NFYC: variants seen among roughly 807,000 people sequenced by gnomAD.
NFYC encodes the protein CAAT box DNA-binding protein subunit C.
NFYC carries 25 observed loss-of-function variants against 53.1 expected under a neutral mutation model. The ratio of observed to expected loss-of-function variants is 0.47; its 90% CI spans 0.34 to 0.66. The LOEUF (loss-of-function observed/expected upper bound fraction) is 0.66, where lower values mean the gene tolerates loss of function less well. Ranked by LOEUF, NFYC falls within the 30% of genes least tolerant of loss-of-function variation. The probability of loss-of-function intolerance (pLI) is 0.01; values close to 1 mark genes in which losing one functional copy is unlikely to be tolerated. For missense variants in NFYC, 260 were observed against 422.7 expected (o/e 0.62, Z 3.38); for synonymous variants, 145 against 152.6 (o/e 0.95, Z 0.37).
Position 40,770,130 on chromosome 1 carries a change from C to T in NFYC, c.889-579C>T, listed in dbSNP as rs1204186429. Reference sequence around the variant, plus strand: ...AAACCAAGTAGTCAATTAGCCCTGACCTTCCTAAGTGGCTGTGTGAGTATC... The same window carrying T: ...AAACCAAGTAGTCAATTAGCCCTGATCTTCCTAAGTGGCTGTGTGAGTATC... On this transcript the variant is annotated intron_variant, in intron 9 of 9. Transcript: ENST00000447388. This position sits in a 1 kb window ranked among gnomAD's most constrained non-coding sequence, Gnocchi z 5.3. Among the ~76,000 whole-genome samples, 1 of 152,210 alleles carries T rather than the reference C, an allele frequency of 6.6e-6. No individual in the cohort carries two copies. Among genetic ancestry groups the T allele is most frequent in the East Asian group, 1.9e-4 (1 of 5,200 alleles).
intron 1 of NFYC, among the ~76,000 whole-genome samples, chr1:40,704,307 G>A (rs1000473025): frequency 1.3e-5 from 2 of 152,116 alleles, no homozygotes; most frequent in Non-Finnish European, 2.9e-5. Flanking sequence ...TCCTGAATTC[G>A]TGATCTGCCC....
At chr1:40,754,503 T>C (rs541073679) in intron 5 of NFYC, 69 of 503,738 alleles carry the variant, frequency 1.4e-4, no homozygotes, top group African/African-American at 1.2e-3. Context: ...GCCCACAGGC[T>C]CAATTCCTCC....
chr1:40,770,588 T>C lies in NFYC; in HGVS notation c.889-121T>C. 6.2e-7 allele frequency: 1 copy of C among 1,612,296 alleles called. No homozygotes were observed. Among genetic ancestry groups the C allele is most frequent in the African/African-American group, 1.3e-5 (1 of 74,984 alleles). ...AGAGCTCCACTTCCCCTCCTCCTTC[T>C]GACGCCTTGCAGTGGGTGGTGGTTG... On this transcript the variant is annotated intron_variant, in intron 9 of 9. Transcript: ENST00000447388. This position sits in a 1 kb window ranked among gnomAD's most constrained non-coding sequence, Gnocchi z 5.3.
intron 5 of NFYC, among the ~76,000 whole-genome samples, chr1:40,753,873 A>G (rs932356119): frequency 2.0e-5 from 3 of 152,190 alleles, no homozygotes; most frequent in Non-Finnish European, 4.4e-5. Flanking sequence ...AAGCAATCAC[A>G]AGAAAGAATA....
rs548765555 is a variant in NFYC at position 40,748,359 on chromosome 1, G to A, written c.177+754G>A. On this transcript the variant is annotated intron_variant, in intron 3 of 9. Transcript: ENST00000447388. Reference sequence around the variant, plus strand: ...TCACCATGTTGTCCAGGCTAGTCACGAACTCCTGGGCTCAAGCAGTCCTCC... The same window carrying A: ...TCACCATGTTGTCCAGGCTAGTCACAAACTCCTGGGCTCAAGCAGTCCTCC... Among the ~76,000 whole-genome samples the A allele has an allele frequency of 6.6e-5, 10 of 151,846 alleles. No homozygotes were observed. The Middle Eastern group carries it at 0.02, about 310-fold the overall frequency.
intron 1 of NFYC, among the ~76,000 whole-genome samples, chr1:40,703,400 G>T (rs1350299832): frequency 6.7e-6 from 1 of 148,828 alleles, no homozygotes; most frequent in Non-Finnish European, 1.5e-5. Context: ...GCTGAGGCAG[G>T]AGGATCACTT....
intron 2 of NFYC, among the ~76,000 whole-genome samples, chr1:40,745,864 G>C (rs1426144274): frequency 6.6e-6 from 1 of 152,118 alleles, no homozygotes; most frequent in Non-Finnish European, 1.5e-5. Flanking sequence ...AGGAGTAGAT[G>C]TGTATTTTTT....
chr1:40,726,593 A>G (rs543630302), intron 1 of NFYC, among the ~76,000 whole-genome samples: 2 of 151,830 alleles, frequency 1.3e-5, no homozygotes, highest in East Asian at 1.9e-4. Context: ...TATTTTTTGT[A>G]TAGACAGGGT....
intron 4 of NFYC, among the ~76,000 whole-genome samples, chr1:40,752,103 T>TC (rs1267442517): frequency 6.6e-6 from 1 of 152,226 alleles, no homozygotes; most frequent in East Asian, 1.9e-4. Flanking sequence ...GTTAACATTT[T>TC]CCCCAGCATT....
At chr1:40,698,490 G>C (rs1340855301) in intron 1 of NFYC, among the ~76,000 whole-genome samples, 1 of 151,476 alleles carries the variant, frequency 6.6e-6, no homozygotes, top group Admixed American at 6.6e-5. Flanking sequence ...GCAGTGACAT[G>C]ACCTCGGCTC....
rs767218175 is a variant in NFYC, at chr1:40,738,894, A to G, written c.51A>G (p.Gln17=). 4 of 1,614,194 alleles carry G rather than the reference A, an allele frequency of 2.5e-6. No individual in the cohort carries two copies. The highest frequency in any genetic ancestry group is 2.2e-5 in the East Asian group (1 of 44,884). The change falls in exon 2 of 10, where the codon CAA becomes CAG. Residue 17 remains glutamine, a synonymous_variant. Transcript: ENST00000447388. The part of the protein sequence containing the change: ...FGGTSSSDAQ[Q]SLQSFWPRVM... ...GTACTAGCAGCAGTGATGCCCAGCA[A>G]AGCCTACAGTCGTTCTGGCCTCGGG... is the stretch of plus-strand genomic sequence containing the variant.
chr1:40,747,444 A>T (rs1245599248), intron 2 of NFYC, 90 bp from the exon 3 acceptor site: 1 of 849,872 alleles, frequency 1.2e-6, no homozygotes, highest in Non-Finnish European at 2.0e-6. Flanking sequence ...GAAGAGAGGG[A>T]CCAAGCCAGA....
intron 1 of NFYC, among the ~76,000 whole-genome samples, chr1:40,719,504 C>T (rs1414590634): frequency 6.6e-6 from 1 of 152,212 alleles, no homozygotes; most frequent in Non-Finnish European, 1.5e-5. Context: ...TCCTTTCTAT[C>T]TCCACTTTTG....
At chr1:40,760,522 C>G (rs1646484599) in intron 6 of NFYC, among the ~76,000 whole-genome samples, 1 of 152,116 alleles carries the variant, frequency 6.6e-6, no homozygotes, top group African/African-American at 2.4e-5. Context: ...AGTTCAAGAC[C>G]AGCCTGGCCA....
intron 1 of NFYC, among the ~76,000 whole-genome samples, chr1:40,733,489 A>G (rs994739168): frequency 2.0e-5 from 3 of 147,464 alleles, no homozygotes; most frequent in African/African-American, 5.0e-5. Context: ...TGGCTTTGAG[A>G]AAAAAAAAAT....
intron 1 of NFYC, among the ~76,000 whole-genome samples, chr1:40,706,648 G>T (rs1426274779): frequency 6.6e-6 from 1 of 152,032 alleles, no homozygotes; most frequent in Non-Finnish European, 1.5e-5. Context: ...GTATTTGAAT[G>T]TGTTGCTAAA....
At chr1:40,744,010 G>A (rs367853606) in intron 2 of NFYC, among the ~76,000 whole-genome samples, 1 of 152,146 alleles carries the variant, frequency 6.6e-6, no homozygotes, top group South Asian at 2.1e-4. Context: ...ACTAGAGCAG[G>A]GGTCCCCAAC....
chr1:40,763,347 C>CT (rs1362002280), intron 7 of NFYC: 1 of 457,296 alleles, frequency 2.2e-6, no homozygotes, highest in African/African-American at 2.0e-5. Flanking sequence ...ATGCATAATC[C>CT]TTTTTTTCTT....
At chr1:40,692,925 G>A (rs1226096900) in intron 1 of NFYC, among the ~76,000 whole-genome samples, 2 of 152,170 alleles carry the variant, frequency 1.3e-5, no homozygotes, top group Non-Finnish European at 2.9e-5. Context: ...TTGAGATGTT[G>A]TATATGAAAT....
Sources: gnomAD v4.1 joint callset for allele counts (sites outside exome capture counted in the v4.1 genomes callset) on GRCh38, gnomAD v4.1.1 for gene constraint, Gnocchi (gnomAD v3.1) non-coding constraint, MANE v1.5 for transcripts, NCBI Gene and HGNC (gene_info 2026-07-23, HGNC 2026-07-21) for gene names.